The following UBE2K variants were observed in gnomAD, a reference collection of about 807,000 sequenced individuals.
UBE2K encodes ubiquitin conjugating enzyme E2 K, also known as ubiquitin-conjugating enzyme E2 K.
UBE2K carries 6 observed loss-of-function variants against 30.0 expected under a neutral mutation model. That is an observed-to-expected ratio of 0.20 (90% CI 0.11 to 0.39). The LOEUF (loss-of-function observed/expected upper bound fraction) is 0.39. Among genes scored for constraint, UBE2K ranks in the 10% least tolerant of loss-of-function variants. UBE2K has a pLI of 1.00. For missense variants in UBE2K, 61 were observed against 241.6 expected, an observed-to-expected ratio of 0.25 and a Z score of 4.96; for synonymous variants, 86 against 83.7, an observed-to-expected ratio of 1.03 and a Z score of -0.15.
At chr4:39,733,084 G>A (rs566932677) in intron 1 of UBE2K, among the ~76,000 whole-genome samples, 2 of 146,786 alleles carry the variant, frequency 1.4e-5, no homozygotes, top group South Asian at 4.3e-4. Flanking sequence ...ACAACCAGAG[G>A]TCCCGCTATG....
intron 1 of UBE2K, among the ~76,000 whole-genome samples, chr4:39,701,574 T>G (rs9683743): frequency 0.53 from 79,761 of 151,864 alleles, 21,676 homozygotes; most frequent in Admixed American, 0.65. Context: ...CTGCTTGTGT[T>G]CATATTGTCC....
At chr4:39,710,804 A>C (rs1457232483) in intron 1 of UBE2K, among the ~76,000 whole-genome samples, 3 of 152,122 alleles carry the variant, frequency 2.0e-5, no homozygotes, top group African/African-American at 7.2e-5. Context: ...TTTTAAAACT[A>C]AGAAATACTT....
rs1354761879 is a variant in UBE2K, at chr4:39,757,011, G to GTTTTTTTTTTTTTTTTT, written c.299+1278_299+1279insTTTTTTTTTTTTTTTTT. On this transcript the variant is annotated intron_variant, in intron 4 of 6. Transcript: ENST00000261427. ...ATGTTTTTTTGGGTGTTTTTTTTTT[G>GTTTTTTTTTTTTTTTTT]TTTTTTGTTTTTTGTTTTTTGTTTT... Among the ~76,000 whole-genome samples, 79 of 76,804 alleles carry GTTTTTTTTTTTTTTTTT rather than the reference G, an allele frequency of 1.0e-3. 3 individuals carry two copies. Among genetic ancestry groups the GTTTTTTTTTTTTTTTTT allele is most frequent in the South Asian group, 3.1e-3 (7 of 2,232 alleles). The allele number at this position is 76,804 out of a possible 152,430, so 50.4% of individuals were successfully genotyped here. A position where few individuals can be genotyped will look rare whatever the true frequency, so the allele number is the denominator to read the frequency against.
At chr4:39,730,871 G>A (rs1198056155) in intron 1 of UBE2K, among the ~76,000 whole-genome samples, 1 of 141,150 alleles carries the variant, frequency 7.1e-6, no homozygotes, top group African/African-American at 2.6e-5. Flanking sequence ...GTGCAGTGGC[G>A]TGATCTCTGC....
intron 3 of UBE2K, among the ~76,000 whole-genome samples, chr4:39,746,406 CT>C (rs200331618): frequency 6.6e-6 from 1 of 152,146 alleles, no homozygotes; most frequent in Non-Finnish European, 1.5e-5. Context: ...TATGTCTCTG[CT>C]TTTACTGTCA....
intron 1 of UBE2K, 69 bp downstream of exon 1, chr4:39,698,459 C>G: frequency 6.9e-7 from 1 of 1,444,128 alleles, no homozygotes; most frequent in Non-Finnish European, 9.6e-7. Context: ...GCTGCGACCC[C>G]GATATCCCCG....
At chr4:39,701,206 A>T (rs532326374) in intron 1 of UBE2K, among the ~76,000 whole-genome samples, 4 of 152,318 alleles carry the variant, frequency 2.6e-5, no homozygotes, top group African/African-American at 9.6e-5. Flanking sequence ...TGTGAATTTT[A>T]AGTAGTTTTA....
At chr4:39,745,365 CT>C (rs932943526) in intron 2 of UBE2K, among the ~76,000 whole-genome samples, 4 of 149,232 alleles carry the variant, frequency 2.7e-5, no homozygotes, top group East Asian at 1.9e-4. Context: ...TCCTTGCCTT[CT>C]TTTTTTTTTC....
chr4:39,760,100 C>T (rs1273233349), intron 4 of UBE2K, among the ~76,000 whole-genome samples: 2 of 129,212 alleles, frequency 1.5e-5, no homozygotes, highest in African/African-American at 5.9e-5. Flanking sequence ...TCTCTTGAAC[C>T]TGGGAGGCAG....
chr4:39,753,823 T>G (rs899675447), intron 3 of UBE2K, among the ~76,000 whole-genome samples: 1 of 152,122 alleles, frequency 6.6e-6, no homozygotes, highest in African/African-American at 2.4e-5. Flanking sequence ...AAGGCCAGGT[T>G]AAGAGTGTGG....
At chr4:39,772,022 A>C (rs1712911841) in intron 4 of UBE2K, among the ~76,000 whole-genome samples, 1 of 152,142 alleles carries the variant, frequency 6.6e-6, no homozygotes, top group South Asian at 2.1e-4. Flanking sequence ...TATTTTTGGC[A>C]GACAGTGTTT....
rs1474938456 is a variant in UBE2K at position 39,782,496 on chromosome 4, C to T, written c.*4062C>T. On this transcript the variant is annotated 3_prime_UTR_variant, in exon 7 of 7. Coordinates refer to ENST00000261427, the MANE Select transcript of UBE2K (RefSeq NM_005339.5). The stretch of plus-strand genomic sequence containing the variant: ...CATTATAGGGAACCTTGCTTGTTAG[C>T]TTCTCTAGATCTCTATTCTAAACAA... The T allele has an allele frequency of 4.6e-5, 7 of 152,040 alleles. No individual in the cohort carries two copies. The highest frequency in any genetic ancestry group is 1.7e-4 in the African/African-American group (7 of 41,398). The allele number at this position is 152,040 out of a possible 1,614,324, so 9.4% of individuals were successfully genotyped here. A position where few individuals can be genotyped will look rare whatever the true frequency, so the allele number is the denominator to read the frequency against.
chr4:39,771,217 AG>A, intron 4 of UBE2K: 1 of 1,612,602 alleles, frequency 6.2e-7, no homozygotes, highest in South Asian at 1.1e-5. Context: ...ACTGTGCATC[AG>A]GGAGACCTGC....
chr4:39,758,673 A>G (rs911508657), intron 4 of UBE2K, among the ~76,000 whole-genome samples: 2 of 151,672 alleles, frequency 1.3e-5, no homozygotes, highest in Non-Finnish European at 2.9e-5. Context: ...GTGAGACCCC[A>G]TCTCAAAAAT....
chr4:39,781,699 G>T lies in UBE2K; in HGVS notation c.*3265G>T. ...AGCCAGGTATACCTTCTAGTATGTA[G>T]AGGGAAACAATGTTTAGATAGGAAA... On this transcript the variant is annotated 3_prime_UTR_variant, in exon 7 of 7. Transcript: ENST00000261427. 1 of 377,016 alleles carries T rather than the reference G, an allele frequency of 2.7e-6. No individual in the cohort carries two copies. The highest frequency in any genetic ancestry group is 4.7e-6 in the Non-Finnish European group (1 of 212,242). The allele number at this position is 377,016 out of a possible 1,614,324, so 23.4% of individuals were successfully genotyped here.
intron 5 of UBE2K, among the ~76,000 whole-genome samples, chr4:39,775,309 G>T (rs1325414340): frequency 6.6e-6 from 1 of 152,112 alleles, no homozygotes; most frequent in Non-Finnish European, 1.5e-5. Flanking sequence ...CCTATCATGG[G>T]ACTTATGTGA....
In UBE2K at chr4:39,698,246, CGGTGGAGGAAGA is replaced by C; in HGVS notation, c.-76_-65del. 6.0e-6 allele frequency: 8 copies of C among 1,340,072 alleles called. No homozygotes were observed. Among genetic ancestry groups the C allele is most frequent in the Non-Finnish European group, 8.4e-6 (8 of 948,750 alleles). 83.0% of individuals were successfully genotyped at this position (1,340,072 alleles called of 1,614,324 possible). ...AGGTCTGAATCGCCGAGGGAGGAGG[CGGTGGAGGAAGA>C]GGTGGCGGCGGTGGCGGTGGTCGTA... On this transcript the variant is annotated 5_prime_UTR_variant, in exon 1 of 7. Transcript: ENST00000261427.
At chr4:39,713,102 G>A (rs1488523494) in intron 1 of UBE2K, among the ~76,000 whole-genome samples, 1 of 151,778 alleles carries the variant, frequency 6.6e-6, no homozygotes, top group African/African-American at 2.4e-5. Context: ...GACCTCAGGT[G>A]ATCCGCCTGC....
At chr4:39,743,950 C>T (rs1578466830) in intron 2 of UBE2K, among the ~76,000 whole-genome samples, 1 of 152,146 alleles carries the variant, frequency 6.6e-6, no homozygotes, top group Non-Finnish European at 1.5e-5. Context: ...GCAATATCCA[C>T]CTCCTGGGTT....
Sources: allele counts gnomAD v4.1 joint callset (sites outside exome capture counted in the v4.1 genomes callset), GRCh38; gene constraint gnomAD v4.1.1; transcripts MANE v1.5; gene names NCBI Gene and HGNC (gene_info 2026-07-23, HGNC 2026-07-21).